The following TATDN2 variants were observed in gnomAD, a reference collection of about 807,000 sequenced individuals.
The protein encoded by TATDN2 is 3'-5' RNA nuclease TATDN2.
A neutral mutation model predicts 60.3 loss-of-function variants in TATDN2; 44 were observed. The observed-to-expected ratio is 0.73, with a 90% CI of 0.57 to 0.94. The LOEUF (loss-of-function observed/expected upper bound fraction) is 0.94. Among genes scored for constraint, TATDN2 ranks in the 40% least tolerant of loss-of-function variants. The probability of loss-of-function intolerance (pLI) is 0.00; values close to 1 mark genes in which losing one functional copy is unlikely to be tolerated. For synonymous variants in TATDN2, 399 were observed against 355.8 expected (o/e 1.12, Z -1.37); for missense variants, 997 against 948.0 (o/e 1.05, Z -0.68).
intron 4 of TATDN2, among the ~76,000 whole-genome samples, chr3:10,271,563 G>A (rs757980364): frequency 3.3e-5 from 5 of 151,976 alleles, no homozygotes; most frequent in Non-Finnish European, 7.4e-5. Context: ...CTTGGCCTCC[G>A]AAAGTGCTGT....
intron 2 of TATDN2, among the ~76,000 whole-genome samples, chr3:10,252,727 G>C (rs1464437378): frequency 6.6e-6 from 1 of 151,192 alleles, no homozygotes; most frequent in Non-Finnish European, 1.5e-5. Context: ...GTCTTGCTCT[G>C]TCACCCAGGC....
intron 3 of TATDN2, among the ~76,000 whole-genome samples, chr3:10,266,343 T>G (rs138087194): frequency 1.3e-5 from 2 of 152,326 alleles, no homozygotes; most frequent in Non-Finnish European, 2.9e-5. Context: ...TGGATGAATT[T>G]TCTAAAGTTA....
intron 5 of TATDN2, among the ~76,000 whole-genome samples, chr3:10,277,072 G>A (rs1355016025): frequency 6.6e-6 from 1 of 152,092 alleles, no homozygotes; most frequent in Non-Finnish European, 1.5e-5. Context: ...CAGAAATGGA[G>A]TTTCAGTTCT....
rs768418396 is a variant in TATDN2, at chr3:10,249,541, G to C, written c.341G>C (p.Gly114Ala). 1.3e-6 allele frequency: 2 copies of C among 1,591,074 alleles called. No individual in the cohort carries two copies. Among genetic ancestry groups the C allele is most frequent in the African/African-American group, 1.3e-5 (1 of 74,126 alleles). ...RNTRGFLSSG[G>A]SPLRPANASL... is the part of the protein sequence containing the mutation. ...ACTCGGGGGTTCCTGTCTTCAGGGG[G>C]ATCCCCTCTGCGTCCTGCCAACGCC... The change falls in exon 2 of 8, where the codon GGA becomes GCA. Residue 114 changes from glycine to alanine, a missense_variant. Physicochemically the swap from Gly to Ala is moderately conservative, Grantham distance 60. Transcript: ENST00000448281.
intron 3 of TATDN2, 78 bp downstream of exon 3, chr3:10,260,748 A>G: frequency 6.7e-7 from 1 of 1,485,050 alleles, no homozygotes; most frequent in Non-Finnish European, 9.0e-7. Flanking sequence ...GTTTGATCCT[A>G]AGTGTTACTA....
At chr3:10,251,789 G>T (rs1698235522) in intron 2 of TATDN2, among the ~76,000 whole-genome samples, 1 of 152,004 alleles carries the variant, frequency 6.6e-6, no homozygotes. Flanking sequence ...CAAACTCCTG[G>T]GGTCAAGCAA....
Position 10,270,440 on chromosome 3 carries a change from T to TC in TATDN2, c.1263dup (p.Asn422GlnfsTer76). 6.2e-7 allele frequency: 1 copy of TC among 1,613,982 alleles called. No individual in the cohort carries two copies. Among genetic ancestry groups the TC allele is most frequent in the South Asian group, 1.1e-5 (1 of 91,078 alleles). On this transcript the variant is annotated frameshift_variant, in exon 4 of 8. Transcript: ENST00000448281. LOFTEE classifies it high-confidence loss of function. ...CAGCCGGAGCCGCATGAGTGATTAT[T>TC]CCCCCAACTCTACAGGGAGTGTCCA...
intron 4 of TATDN2, 78 bp from the exon 5 acceptor site, chr3:10,276,283 C>A: frequency 6.4e-7 from 1 of 1,554,390 alleles, no homozygotes. Context: ...GGGGTGCCTG[C>A]TGGACTGGGC....
chr3:10,255,903 A>G (rs775050677), intron 2 of TATDN2, among the ~76,000 whole-genome samples: 1 of 152,198 alleles, frequency 6.6e-6, no homozygotes, highest in African/African-American at 2.4e-5. Context: ...AGATGGCGCC[A>G]CTGTACTCCG....
Position 10,277,247 on chromosome 3 carries a change from T to C in TATDN2, c.1961+759T>C, listed in dbSNP as rs1698653018. 5.3e-5 allele frequency among the ~76,000 whole-genome samples: 8 copies of C among 152,232 alleles called. No homozygotes were observed. In the South Asian group the frequency reaches 1.7e-3, roughly 31 times the overall value. ...AAGGTCATGTTTTATCAGAATGGCA[T>C]CTATGGGTGCTTAAGTTCAGTTTGG... On this transcript the variant is annotated intron_variant, in intron 5 of 7. Transcript: ENST00000448281.
intron 2 of TATDN2, among the ~76,000 whole-genome samples, chr3:10,256,712 A>G (rs1291630876): frequency 6.6e-6 from 1 of 152,072 alleles, no homozygotes; most frequent in Non-Finnish European, 1.5e-5. Flanking sequence ...AGTTTGTTGC[A>G]GATCTCACCC....
At position 10,248,963 on chromosome 3, in the gene TATDN2, G is replaced by T. The variant is rs73811864; in HGVS notation, c.-111G>T. 0.028 allele frequency: 12,070 copies of T among 430,784 alleles called. 1,184 individuals are homozygous for T. The highest frequency in any genetic ancestry group is 0.22 in the African/African-American group (10,756 of 49,118). The allele number at this position is 430,784 out of a possible 1,614,324, so 26.7% of individuals were successfully genotyped here. A position where few individuals can be genotyped will look rare whatever the true frequency, so the allele number is the denominator to read the frequency against. ...GAAGCACGTTGTGGGCTTGGAAACCGACGGCAGCCTTTAGTCAATTTTGGA... is the reference window on the plus strand; with the variant it reads ...GAAGCACGTTGTGGGCTTGGAAACCTACGGCAGCCTTTAGTCAATTTTGGA... On this transcript the variant is annotated 5_prime_UTR_variant, in exon 1 of 8. Transcript: ENST00000448281.
chr3:10,259,747 G>A (rs1698371941), intron 2 of TATDN2, among the ~76,000 whole-genome samples: 1 of 152,184 alleles, frequency 6.6e-6, no homozygotes, highest in Non-Finnish European at 1.5e-5. Context: ...GGGTCCTCAG[G>A]TTTCCTTTAC....
Position 10,270,442 on chromosome 3 carries a change from C to T in TATDN2, c.1260C>T (p.Ser420=). 1 of 1,614,170 alleles carries T rather than the reference C, an allele frequency of 6.2e-7. No homozygotes were observed. The highest frequency in any genetic ancestry group is 8.5e-7 in the Non-Finnish European group (1 of 1,180,032). Reference sequence around the variant, plus strand: ...GCCGGAGCCGCATGAGTGATTATTCCCCCAACTCTACAGGGAGTGTCCAAA... The same window carrying T: ...GCCGGAGCCGCATGAGTGATTATTCTCCCAACTCTACAGGGAGTGTCCAAA... The part of the protein sequence containing the change: ...KSSRSRMSDY[S]PNSTGSVQNT... The change falls in exon 4 of 8, where the codon TCC becomes TCT. Residue 420 remains serine, a synonymous_variant. Transcript: ENST00000448281.
chr3:10,266,166 C>T (rs562109846), intron 3 of TATDN2, among the ~76,000 whole-genome samples: 8 of 152,194 alleles, frequency 5.3e-5, no homozygotes, highest in African/African-American at 1.4e-4. Flanking sequence ...TTTCCTGTAA[C>T]TTTAGAAGGG....
rs1443004901 is a variant in TATDN2 at position 10,278,784 on chromosome 3, C to A, written c.2146-101C>A. The A allele has an allele frequency of 1.3e-6, 2 of 1,571,666 alleles. No individual in the cohort carries two copies. The highest frequency in any genetic ancestry group is 2.7e-5 in the African/African-American group (2 of 74,260). ...AGGTAAAGGGGTCTCTACAGGGCAG[C>A]CCCAAAGAGGTCCTTGCTGGGGAAG... On this transcript the variant is annotated intron_variant, in intron 6 of 7. Coordinates refer to ENST00000448281, the MANE Select transcript of TATDN2 (RefSeq NM_014760.4). The surrounding 1 kb of genome is among the most constrained non-coding windows in gnomAD (Gnocchi z 4.7).
chr3:10,278,454 C>T lies in TATDN2; in HGVS notation c.2137C>T (p.Pro713Ser), dbSNP rs1185886787. Residue 713 changes from proline (P) to serine (S), a missense_variant, in exon 6 of 8, where the codon CCT becomes TCT. Transcript: ENST00000448281. This position sits in a 1 kb window ranked among gnomAD's most constrained non-coding sequence, Gnocchi z 4.7. ...GGAAACGGATGCTCCCTATTTCCTC[C>T]CTCGCCAGGTAAGGGGGTCTTCAGG... The part of the protein sequence containing the change: ...IVETDAPYFL[P>S]RQVPKSLCQY... 6.2e-7 allele frequency: 1 copy of T among 1,611,666 alleles called. No homozygotes were observed. Among genetic ancestry groups the T allele is most frequent in the Non-Finnish European group, 8.5e-7 (1 of 1,178,052 alleles).
chr3:10,255,834 C>G (rs1165514585), intron 2 of TATDN2, among the ~76,000 whole-genome samples: 1 of 152,130 alleles, frequency 6.6e-6, no homozygotes, highest in African/African-American at 2.4e-5. Flanking sequence ...CCCAACTACT[C>G]AGGAGGCTGA....
In TATDN2 at chr3:10,273,478, T is replaced by C. The variant is rs1395296199; in HGVS notation, c.1833+2463T>C. 2.6e-5 allele frequency among the ~76,000 whole-genome samples: 4 copies of C among 152,164 alleles called. No homozygotes were observed. The East Asian group carries it at 7.8e-4, about 29-fold the overall frequency. The stretch of plus-strand genomic sequence containing the variant: ...GGAAGAAGAAGAACCTATAGAGGGC[T>C]GGGCGAGGTGGCTCACGCCTGTAAT... On this transcript the variant is annotated intron_variant, in intron 4 of 7. Transcript: ENST00000448281.
Sources: gnomAD v4.1 joint callset for allele counts (sites outside exome capture counted in the v4.1 genomes callset) on GRCh38, gnomAD v4.1.1 for gene constraint, Gnocchi (gnomAD v3.1) non-coding constraint, MANE v1.5 for transcripts, NCBI Gene and HGNC (gene_info 2026-07-23, HGNC 2026-07-21) for gene names.